Variants in ING4 observed in about 807,000 individuals in gnomAD.
ING4 encodes the protein inhibitor of growth protein 4.
In ING4, 28 loss-of-function variants were observed where a neutral mutation model predicts 33.1. That is an observed-to-expected ratio of 0.85 (90% confidence interval 0.63 to 1.16). The LOEUF is 1.16. Ranked by LOEUF, ING4 falls within the 50% of genes most tolerant of loss-of-function variation. ING4 has a pLI of 0.00. For missense variants in ING4, 247 were observed against 314.7 expected (o/e 0.78, Z 1.63); for synonymous variants, 87 against 104.4 (o/e 0.83, Z 1.02).
intron 1 of ING4, among the ~76,000 whole-genome samples, 173 bp downstream of exon 1, chr12:6,662,892 C>A (rs1206599117): frequency 2.0e-5 from 3 of 152,110 alleles, no homozygotes; most frequent in African/African-American, 7.2e-5. Context: ...TCAGCGGGGC[C>A]TCGATCCTGC....
intron 2 of ING4, among the ~76,000 whole-genome samples, chr12:6,655,291 G>A (rs945305748): frequency 2.0e-5 from 3 of 152,176 alleles, no homozygotes; most frequent in African/African-American, 4.8e-5. Context: ...AGACTCACCC[G>A]CCTCTGCCTC....
chr12:6,652,339 T>G lies in ING4; in HGVS notation c.577A>C (p.Asn193His). ...TGACAAAGGCAATAGGTGGGTTCGT[T>G]GGGATCCACAGGCATATCCAACACA... is the stretch of plus-strand genomic sequence containing the variant. Reference protein sequence around the residue: ...SDVLDMPVDPNEPTYCLCHQV... With the variant: ...SDVLDMPVDPHEPTYCLCHQV... The change falls in exon 6 of 8, where the codon AAC becomes CAC. Residue 193 changes from asparagine (N) to histidine (H), a missense_variant. Transcript: ENST00000341550. 1.2e-6 allele frequency: 2 copies of G among 1,614,164 alleles called. No homozygotes were observed. The highest frequency in any genetic ancestry group is 1.1e-5 in the South Asian group (1 of 91,088).
At position 6,653,016 on chromosome 12, in the gene ING4, A is replaced by C; in HGVS notation, c.311T>G (p.Leu104Arg). 1 of 1,614,110 alleles carries C rather than the reference A, an allele frequency of 6.2e-7. No individual in the cohort carries two copies. The highest frequency in any genetic ancestry group is 8.5e-7 in the Non-Finnish European group (1 of 1,180,028). Residue 104 changes from leucine (L) to arginine (R), a missense_variant, in exon 4 of 8, where the codon CTG (leucine) becomes CGG (arginine). Leu to Arg is a moderately radical substitution (Grantham distance 102, BLOSUM62 -2). Transcript: ENST00000341550. ...DKHIRRLDTD[L>R]ARFEADLKEK... is the part of the protein sequence containing the mutation. ...CTTGAGATCAGCCTCAAAACGGGCC[A>C]GGTCTGTGTCCAGCCGCCGAATGTG...
chr12:6,656,885 G>T, intron 1 of ING4, 87 bp from the exon 2 acceptor site: 1 of 792,664 alleles, frequency 1.3e-6, no homozygotes, highest in Non-Finnish European at 2.0e-6. Flanking sequence ...CGGACATGGT[G>T]GCTCACGCCT....
rs759144922 is a variant in ING4 at position 6,652,684 on chromosome 12, T to C, written c.475A>G (p.Lys159Glu). The change falls in exon 5 of 8, where the codon AAG becomes GAG. Residue 159 changes from lysine (K) to glutamate (E), a missense_variant. Coordinates refer to ENST00000341550, the MANE Select transcript of ING4 (RefSeq NM_016162.4). Reference protein sequence around the residue: ...SDEEAPKTAQKKLKLVRTSPE... With the variant: ...SDEEAPKTAQEKLKLVRTSPE... Reference sequence around the variant, plus strand: ...CACGTGCGCACGAGCTTTAACTTCTTCTGGGCAGTCTTGGGGGCTTCTTCA... The same window carrying C: ...CACGTGCGCACGAGCTTTAACTTCTCCTGGGCAGTCTTGGGGGCTTCTTCA... 6.2e-7 allele frequency: 1 copy of C among 1,614,036 alleles called. No homozygotes were observed. Among genetic ancestry groups the C allele is most frequent in the Non-Finnish European group, 8.5e-7 (1 of 1,179,998 alleles).
At chr12:6,653,207 G>A (rs1357303169) in intron 3 of ING4, 23 bp downstream of exon 3, 21 of 1,612,844 alleles carry the variant, frequency 1.3e-5, no homozygotes, top group Non-Finnish European at 1.8e-5. Context: ...GAAGTAGGTG[G>A]GGAGCCATGA....
In ING4 at chr12:6,652,712, C is replaced by T. The variant is rs201626425; in HGVS notation, c.447G>A (p.Ser149=). The stretch of plus-strand genomic sequence containing the variant: ...GGGCAGTCTTGGGGGCTTCTTCATC[C>T]GAGTTTTTCCCTTTGGAACGAGCAC... ...AARARSKGKN[S]DEEAPKTAQK... Residue 149 remains serine, a synonymous_variant, in exon 5 of 8, where the codon TCG becomes TCA. Coordinates refer to ENST00000341550, the MANE Select transcript of ING4 (RefSeq NM_016162.4). The T allele has an allele frequency of 3.5e-5, 56 of 1,614,120 alleles. No individual in the cohort carries two copies. In the East Asian group the frequency reaches 8.9e-4, roughly 26 times the overall value.
chr12:6,658,127 T>G (rs932571163), intron 1 of ING4, among the ~76,000 whole-genome samples: 1 of 151,316 alleles, frequency 6.6e-6, no homozygotes, highest in Non-Finnish European at 1.5e-5. Flanking sequence ...ACCCGACTAA[T>G]TTTTGTATTT....
intron 1 of ING4, 132 bp downstream of exon 1, chr12:6,662,933 A>G (rs1477243545): frequency 3.1e-6 from 3 of 981,864 alleles, no homozygotes; most frequent in Non-Finnish European, 3.1e-6. Flanking sequence ...CGCACCCTCC[A>G]ATATTTCCTG....
Position 6,656,782 on chromosome 12 carries a change from G to C in ING4, c.54C>G (p.Pro18=). ...EHYLDSIENL[P]FELQRNFQLM... is the part of the protein sequence containing the mutation. ...GCTGAAAGTTTCTCTGTAATTCAAA[G>C]GGAAGGTTTTCAATACCTAGGGAAG... Residue 18 remains proline (P), a synonymous_variant, in exon 2 of 8, where the codon CCC becomes CCG. Transcript: ENST00000341550. The C allele has an allele frequency of 6.4e-7, 1 of 1,574,492 alleles. No homozygotes were observed. The highest frequency in any genetic ancestry group is 8.6e-7 in the Non-Finnish European group (1 of 1,163,102).
chr12:6,650,965 G>A lies in ING4; in HGVS notation c.*230C>T, dbSNP rs1206846039. ...ACAGTGGGCAAGACCACGTCCCTCC[G>A]AAGGGAGAGGGCTGAAGGAGAGCAC... On this transcript the variant is annotated 3_prime_UTR_variant, in exon 8 of 8. Transcript: ENST00000341550. 10 of 592,574 alleles carry A rather than the reference G, an allele frequency of 1.7e-5. No homozygotes were observed. The highest frequency in any genetic ancestry group is 5.6e-5 in the East Asian group (2 of 35,452). 36.7% of individuals were successfully genotyped at this position (592,574 alleles called of 1,614,324 possible).
At position 6,652,423 on chromosome 12, in the gene ING4, A is replaced by G. The variant is rs1949210870; in HGVS notation, c.498-5T>C. On this transcript the variant is annotated splice_region_variant and splice_polypyrimidine_tract_variant and intron_variant, in intron 5 of 7. Coordinates refer to ENST00000341550, the MANE Select transcript of ING4 (RefSeq NM_016162.4). ...GGCATCCCATACTCAGGACTTCTGC[A>G]TGCCAAGAGGAAGAGAAAGTGTCAT... The G allele has an allele frequency of 6.2e-7, 1 of 1,613,402 alleles. No individual in the cohort carries two copies. Among genetic ancestry groups the G allele is most frequent in the African/African-American group, 1.3e-5 (1 of 74,912 alleles).
At chr12:6,652,803 A>T (rs1179220209) in intron 4 of ING4, 36 bp from the exon 5 acceptor site, 1 of 1,602,516 alleles carries the variant, frequency 6.2e-7, no homozygotes, top group Non-Finnish European at 8.5e-7. Flanking sequence ...GAAGGCAGGG[A>T]GACAGAAAGA....
In ING4 at chr12:6,651,323, C is replaced by T; in HGVS notation, c.707+1G>A. On this transcript the variant is annotated splice_donor_variant, in intron 7 of 7. Transcript: ENST00000341550. LOFTEE classifies it high-confidence loss of function. ...GGGACCCTCCAACTCCTGCCACTTA[C>T]CATTTCCCCCGAGGCTTGGTTGTCA... The T allele has an allele frequency of 6.2e-7, 1 of 1,614,156 alleles. No homozygotes were observed. The highest frequency in any genetic ancestry group is 8.5e-7 in the Non-Finnish European group (1 of 1,180,002).
Position 6,650,353 on chromosome 12 carries a change from G to C in ING4, c.*842C>G, listed in dbSNP as rs1490519268. On this transcript the variant is annotated 3_prime_UTR_variant, in exon 8 of 8. Transcript: ENST00000341550. The stretch of plus-strand genomic sequence containing the variant: ...AATTAAGTGAAAGATGTTTTATGGA[G>C]AAAAGATGCATGATTTACAAAGTTT... 1.3e-5 allele frequency: 2 copies of C among 152,190 alleles called. No individual in the cohort carries two copies. The highest frequency in any genetic ancestry group is 4.8e-5 in the African/African-American group (2 of 41,432). 9.4% of individuals were successfully genotyped at this position (152,190 alleles called of 1,614,324 possible). A position where few individuals can be genotyped will look rare whatever the true frequency, so the allele number is the denominator to read the frequency against.
In ING4 at chr12:6,651,339, T is replaced by G; in HGVS notation, c.692A>C (p.Lys231Thr). 6.2e-7 allele frequency: 1 copy of G among 1,614,128 alleles called. No homozygotes were observed. The highest frequency in any genetic ancestry group is 8.5e-7 in the Non-Finnish European group (1 of 1,180,032). ...FHFACVGLTT[K>T]PRGKWFCPRC... The stretch of plus-strand genomic sequence containing the variant: ...TGCCACTTACCATTTCCCCCGAGGC[T>G]TGGTTGTCAGCCCCACACAGGCAAA... The change falls in exon 7 of 8, where the codon AAG (lysine) becomes ACG (threonine). Residue 231 changes from lysine to threonine, a missense_variant. Lys to Thr is a moderately conservative substitution (Grantham distance 78). This residue lies in a region of ING4 where 38 missense variants were observed against 49.7 expected (regional missense o/e 0.77). Transcript: ENST00000341550.
chr12:6,655,007 G>A (rs1949309901), intron 2 of ING4, among the ~76,000 whole-genome samples: 1 of 151,812 alleles, frequency 6.6e-6, no homozygotes, highest in African/African-American at 2.4e-5. Context: ...TTACAGACAT[G>A]AGCCACGGCA....
At chr12:6,656,326 C>T in intron 2 of ING4, 1 of 245,974 alleles carries the variant, frequency 4.1e-6, no homozygotes, top group Non-Finnish European at 7.9e-6. Context: ...CTGGTGCGTG[C>T]CACCACACCT....
intron 1 of ING4, among the ~76,000 whole-genome samples, chr12:6,660,180 C>T (rs979933425): frequency 7.9e-5 from 12 of 152,164 alleles, no homozygotes; most frequent in African/African-American, 2.9e-4. Context: ...CCTCTACTTG[C>T]TGGGCACAGT....
Sources: allele counts gnomAD v4.1 joint callset (sites outside exome capture counted in the v4.1 genomes callset), GRCh38; gene constraint gnomAD v4.1.1; regional missense constraint gnomAD v4.1.1; transcripts MANE v1.5; gene names NCBI Gene and HGNC (gene_info 2026-07-23, HGNC 2026-07-21).